Variants in MBD1 observed in about 807,000 individuals in gnomAD.
MBD1 encodes methyl-CpG binding domain protein 1.
MBD1 carries 25 observed loss-of-function variants against 82.6 expected under a neutral mutation model. The ratio of observed to expected loss-of-function variants is 0.30; its 90% CI spans 0.22 to 0.42. The LOEUF is 0.42. Among genes scored for constraint, MBD1 ranks in the 10% least tolerant of loss-of-function variants. The pLI, the probability that MBD1 is intolerant of heterozygous loss-of-function variation, is 1.00. For missense variants in MBD1, 627 were observed against 819.6 expected, an observed-to-expected ratio of 0.76 and a Z score of 2.87; for synonymous variants, 301 against 303.7, an observed-to-expected ratio of 0.99 and a Z score of 0.09.
chr18:50,281,748 T>C, upstream of MBD1: 1 of 351,368 alleles, frequency 2.8e-6, no homozygotes, highest in Non-Finnish European at 5.1e-6. Flanking sequence ...CTCTCCTCGC[T>C]GCCCATCTAG....
rs1451074062 is a variant in MBD1, at chr18:50,273,859, C to T, written c.1151G>A (p.Arg384Gln). 1.2e-6 allele frequency: 2 copies of T among 1,612,568 alleles called. No individual in the cohort carries two copies. Among genetic ancestry groups the T allele is most frequent in the Non-Finnish European group, 1.7e-6 (2 of 1,179,952 alleles). ...CTCTGACCAGACACTGGGCAGCAGC[C>T]GCTTCTATGGGGAAAGATAGGGTGC... ...WRQCLQFAMK[R>Q]LLPSVWSESE... Residue 384 changes from arginine to glutamine, a missense_variant, in exon 12 of 17, where the codon CGG becomes CAG. Physicochemically the swap from Arg to Gln is conservative, Grantham distance 43. This residue lies in a region of MBD1 where 12 missense variants were observed against 39.4 expected (regional missense o/e 0.30). Coordinates refer to ENST00000269468, the MANE Select transcript of MBD1 (RefSeq NM_015846.4).
At chr18:50,280,079 C>A in intron 1 of MBD1, 62 bp from the exon 2 acceptor site, 1 of 1,494,984 alleles carries the variant, frequency 6.7e-7, no homozygotes, top group Non-Finnish European at 9.0e-7. Context: ...CACTGTGCCC[C>A]AGGCCACACA....
chr18:50,279,929 GA>G lies in MBD1; in HGVS notation c.63del (p.Arg22AlafsTer28). Reference sequence around the variant, plus strand: ...CGTCCACAGGTGGCCCCTGACTTGCGAAAGACTTCGCGGCGCTTCCAGCCAG... The same window carrying G: ...CGTCCACAGGTGGCCCCTGACTTGCGAAGACTTCGCGGCGCTTCCAGCCAG... ...LGPGWKRREV[F>X]RKSGATCGRS... is the part of the protein sequence containing the mutation. On this transcript the variant is annotated frameshift_variant, in exon 2 of 17. Coordinates refer to ENST00000269468, the MANE Select transcript of MBD1 (RefSeq NM_015846.4). LOFTEE classifies it high-confidence loss of function. 1 of 1,613,664 alleles carries G rather than the reference GA, an allele frequency of 6.2e-7. No homozygotes were observed. Among genetic ancestry groups the G allele is most frequent in the African/African-American group, 1.3e-5 (1 of 75,018 alleles).
In MBD1 at chr18:50,275,694, G is replaced by A; in HGVS notation, c.698C>T (p.Thr233Ile). The A allele has an allele frequency of 1.2e-6, 2 of 1,614,208 alleles. No individual in the cohort carries two copies. Among genetic ancestry groups the A allele is most frequent in the Non-Finnish European group, 1.7e-6 (2 of 1,180,030 alleles). Residue 233 changes from threonine (T) to isoleucine (I), a missense_variant, in exon 8 of 17, where the codon ACC becomes ATC. Around this residue, in one of 6 missense-constraint regions of MBD1, gnomAD observed 228 missense variants for 318.1 expected, o/e 0.72. Coordinates refer to ENST00000269468, the MANE Select transcript of MBD1 (RefSeq NM_015846.4). Reference sequence around the variant, plus strand: ...GGGGCAATGGCCACAATCCTCTTGGGTCTGACAGCCCCGGCATACTCCACA... The same window carrying A: ...GGGGCAATGGCCACAATCCTCTTGGATCTGACAGCCCCGGCATACTCCACA... Reference protein sequence around the residue: ...RGCGVCRGCQTQEDCGHCPIC... With the variant: ...RGCGVCRGCQIQEDCGHCPIC...
At chr18:50,276,094 C>A in intron 6 of MBD1, 113 bp from the exon 7 acceptor site, 1 of 1,335,006 alleles carries the variant, frequency 7.5e-7, no homozygotes, top group Non-Finnish European at 1.0e-6. Flanking sequence ...CCCCCATTAG[C>A]CTCATCACCG....
intron 10 of MBD1, 46 bp downstream of exon 10, chr18:50,274,931 G>C (rs753464751): frequency 6.3e-7 from 1 of 1,595,880 alleles, no homozygotes; most frequent in Non-Finnish European, 8.6e-7. Flanking sequence ...AGTTAACCAA[G>C]CGTCCTGAGA....
chr18:50,280,565 CCTG>C (rs1375479081), intron 1 of MBD1, among the ~76,000 whole-genome samples: 1 of 151,960 alleles, frequency 6.6e-6, no homozygotes, highest in Non-Finnish European at 1.5e-5. Context: ...GTCCTCTTAT[CCTG>C]CTACCTCAGT....
At chr18:50,281,636 G>C (rs529114649), upstream of MBD1, 12 of 443,542 alleles carry the variant, frequency 2.7e-5, no homozygotes, top group East Asian at 3.4e-4. Flanking sequence ...CCTACGGGCC[G>C]GCGCTCCGCA....
At chr18:50,279,661 T>C in intron 2 of MBD1, 1 of 574,674 alleles carries the variant, frequency 1.7e-6, no homozygotes, top group Non-Finnish European at 3.0e-6. Flanking sequence ...TTTTCACTGC[T>C]CTGTACGTAT....
chr18:50,281,447 C>T lies in MBD1; in HGVS notation c.-110G>A. The T allele has an allele frequency of 3.4e-6, 2 of 591,280 alleles. No individual in the cohort carries two copies. The highest frequency in any genetic ancestry group is 4.0e-5 in the South Asian group (2 of 49,980). 36.6% of individuals were successfully genotyped at this position (591,280 alleles called of 1,614,324 possible). A position where few individuals can be genotyped will look rare whatever the true frequency, so the allele number is the denominator to read the frequency against. ...TCCCTCCTGCACCTCCCGCCTCGCCCTCCTCCCCTTCCTCCTCCTCCGCGG... is the reference window on the plus strand; with the variant it reads ...TCCCTCCTGCACCTCCCGCCTCGCCTTCCTCCCCTTCCTCCTCCTCCGCGG... On this transcript the variant is annotated 5_prime_UTR_variant, in exon 1 of 17. Transcript: ENST00000269468.
chr18:50,275,651 G>A lies in MBD1; in HGVS notation c.741C>T (p.Pro247=). ...TCCACTGGCGCCTGAGACCAGGGCG[G>A]GGAGGGCGAAGGCAGATGGGGCAAT... ...CGHCPICLRP[P]RPGLRRQWKC... is the part of the protein sequence containing the mutation. Residue 247 remains proline (P), a synonymous_variant, in exon 8 of 17, where the codon CCC becomes CCT. Coordinates refer to ENST00000269468, the MANE Select transcript of MBD1 (RefSeq NM_015846.4). 1 of 1,614,190 alleles carries A rather than the reference G, an allele frequency of 6.2e-7. No homozygotes were observed. Among genetic ancestry groups the A allele is most frequent in the Non-Finnish European group, 8.5e-7 (1 of 1,180,024 alleles).
intron 8 of MBD1, 35 bp from the exon 9 acceptor site, chr18:50,275,280 T>G: frequency 3.1e-6 from 5 of 1,612,008 alleles, no homozygotes; most frequent in Non-Finnish European, 4.2e-6. Context: ...TTCAGCTTGG[T>G]GGCACCAGGC....
upstream of MBD1, chr18:50,281,728 G>C: frequency 2.6e-6 from 1 of 378,072 alleles, no homozygotes; most frequent in Admixed American, 4.3e-5. Context: ...CGAGGGACTG[G>C]CAGTTGCGGC....
chr18:50,276,636 T>A, intron 5 of MBD1, 26 bp downstream of exon 5: 1 of 1,612,644 alleles, frequency 6.2e-7, no homozygotes, highest in South Asian at 1.1e-5. Context: ...TATCTCCCGA[T>A]GCCCCATCCT....
In MBD1 at chr18:50,276,759, G is replaced by T. The variant is rs1405868189; in HGVS notation, c.393-15C>A. The T allele has an allele frequency of 6.2e-7, 1 of 1,614,118 alleles. No homozygotes were observed. The highest frequency in any genetic ancestry group is 1.7e-5 in the Admixed American group (1 of 60,030). ...TCTCACAGCACCTGGGATGGGAAAG[G>T]CAGGTGTGGGGCTCCAAGAGCACCC... On this transcript the variant is annotated splice_polypyrimidine_tract_variant and intron_variant, in intron 4 of 16. Coordinates refer to ENST00000269468, the MANE Select transcript of MBD1 (RefSeq NM_015846.4).
chr18:50,281,023 G>T, intron 1 of MBD1: 3 of 739,566 alleles, frequency 4.1e-6, no homozygotes, highest in Non-Finnish European at 6.6e-6. Flanking sequence ...CCTGTCATCA[G>T]CCTGAGGGCC....
In MBD1 at chr18:50,271,504, C is replaced by T; in HGVS notation, c.1815G>A (p.Gln605=). ...KDLKKPGARK[Q] ...ACAGTCTGTAGAAGCCTCCAGTCTA[C>T]TGCTTTCTAGCTCCAGGTTTTTTAA... Residue 605 remains glutamine (Q), a synonymous_variant, in exon 16 of 17, where the codon CAG becomes CAA. Transcript: ENST00000269468. 1 of 1,614,208 alleles carries T rather than the reference C, an allele frequency of 6.2e-7. No individual in the cohort carries two copies. Among genetic ancestry groups the T allele is most frequent in the Non-Finnish European group, 8.5e-7 (1 of 1,180,030 alleles).
At chr18:50,274,106 C>T (rs778558815) in intron 11 of MBD1, 80 bp downstream of exon 11, 23 of 1,587,724 alleles carry the variant, frequency 1.4e-5, no homozygotes, top group African/African-American at 8.1e-5. Flanking sequence ...ACCCACCTAC[C>T]AAGCCTGCCC....
Position 50,279,943 on chromosome 18 carries a change from C to T in MBD1, c.50G>A (p.Arg17His), listed in dbSNP as rs780072196. 4.3e-6 allele frequency: 7 copies of T among 1,613,100 alleles called. No individual in the cohort carries two copies. Among genetic ancestry groups the T allele is most frequent in the South Asian group, 1.1e-5 (1 of 91,084 alleles). ...CCCTGACTTGCGAAAGACTTCGCGG[C>T]GCTTCCAGCCAGGGCCCAGGGCCGG... ...DCPALGPGWK[R>H]REVFRKSGAT... Residue 17 changes from arginine to histidine, a missense_variant, in exon 2 of 17, where the codon CGC becomes CAC. Coordinates refer to ENST00000269468, the MANE Select transcript of MBD1 (RefSeq NM_015846.4).
Sources: allele counts gnomAD v4.1 joint callset (sites outside exome capture counted in the v4.1 genomes callset), GRCh38; gene constraint gnomAD v4.1.1; regional missense constraint gnomAD v4.1.1; transcripts MANE v1.5; gene names NCBI Gene and HGNC (gene_info 2026-07-23, HGNC 2026-07-21).